Variants in RCAN2 observed in about 807,000 individuals in gnomAD.
RCAN2 encodes calcipressin-2.
RCAN2 carries 9 observed loss-of-function variants against 23.6 expected under a neutral mutation model. The observed-to-expected ratio is 0.38, with a 90% CI of 0.23 to 0.67. The LOEUF (loss-of-function observed/expected upper bound fraction) is 0.67. Among genes scored for constraint, RCAN2 ranks in the 30% least tolerant of loss-of-function variants. RCAN2 has a pLI of 0.51. For synonymous variants in RCAN2, 109 were observed against 115.7 expected (o/e 0.94, Z 0.37); for missense variants, 273 against 302.3 (o/e 0.90, Z 0.72).
chr6:46,460,028 C>G (rs1768163954), intron 1 of RCAN2, among the ~76,000 whole-genome samples: 1 of 151,880 alleles, frequency 6.6e-6, no homozygotes, highest in South Asian at 2.1e-4. Flanking sequence ...CTCAAGTTAA[C>G]TGGTTTGTCT....
chr6:46,315,122 A>C (rs556166453), intron 2 of RCAN2, among the ~76,000 whole-genome samples: 9 of 152,290 alleles, frequency 5.9e-5, no homozygotes, highest in Non-Finnish European at 1.3e-4. Flanking sequence ...ACTGGCCTTG[A>C]ATCTAGAAAT....
intron 1 of RCAN2, among the ~76,000 whole-genome samples, chr6:46,464,699 C>T (rs1291903983): frequency 1.3e-5 from 2 of 152,188 alleles, no homozygotes; most frequent in Non-Finnish European, 2.9e-5. Context: ...GAACCTCATG[C>T]TATTCTTGAT....
At chr6:46,262,924 A>C (rs187035707) in intron 2 of RCAN2, among the ~76,000 whole-genome samples, 61 of 152,242 alleles carry the variant, frequency 4.0e-4, no homozygotes, top group Admixed American at 1.1e-3. Context: ...CATATCTCAA[A>C]TCCAAGAAAT....
At chr6:46,309,204 G>A (rs148516512) in intron 2 of RCAN2, among the ~76,000 whole-genome samples, 1 of 152,174 alleles carries the variant, frequency 6.6e-6, no homozygotes, top group Admixed American at 6.5e-5. Flanking sequence ...AATCCTGAGA[G>A]GTCAGTAATA....
chr6:46,334,646 G>T (rs941651514), intron 2 of RCAN2, among the ~76,000 whole-genome samples: 1 of 152,140 alleles, frequency 6.6e-6, no homozygotes. Flanking sequence ...CACATTCTCC[G>T]CATTGTGTAG....
chr6:46,249,712 A>G (rs1264774913), intron 2 of RCAN2, among the ~76,000 whole-genome samples: 3 of 152,182 alleles, frequency 2.0e-5, no homozygotes, highest in Non-Finnish European at 2.9e-5. Flanking sequence ...AGTCCTGGTC[A>G]ATGAAATACG....
At chr6:46,268,379 T>C (rs925625745) in intron 2 of RCAN2, among the ~76,000 whole-genome samples, 1 of 152,226 alleles carries the variant, frequency 6.6e-6, no homozygotes, top group Non-Finnish European at 1.5e-5. Context: ...TCATTCATCA[T>C]AGAACCCTCT....
intron 2 of RCAN2, among the ~76,000 whole-genome samples, chr6:46,346,236 C>T (rs568282667): frequency 6.6e-6 from 1 of 152,068 alleles, no homozygotes; most frequent in East Asian, 1.9e-4. Flanking sequence ...TAAAGCAGTG[C>T]TCAGAGGGAA....
intron 2 of RCAN2, among the ~76,000 whole-genome samples, chr6:46,387,850 A>C (rs1390527634): frequency 6.6e-6 from 1 of 152,220 alleles, no homozygotes; most frequent in Non-Finnish European, 1.5e-5. Context: ...CTTGGAACCA[A>C]CCCAAATGTC....
At chr6:46,443,005 T>A (rs1208720343) in intron 2 of RCAN2, among the ~76,000 whole-genome samples, 2 of 152,144 alleles carry the variant, frequency 1.3e-5, no homozygotes, top group Non-Finnish European at 2.9e-5. Flanking sequence ...TAATTATGGG[T>A]CTCAGTCACT....
Position 46,280,505 on chromosome 6 carries a change from A to G in RCAN2, c.226-31609T>C, listed in dbSNP as rs535574089. Among the ~76,000 whole-genome samples, 3 of 152,236 alleles carry G rather than the reference A, an allele frequency of 2.0e-5. No individual in the cohort carries two copies. In the South Asian group the frequency reaches 6.2e-4, roughly 32 times the overall value. On this transcript the variant is annotated intron_variant, in intron 2 of 4. Coordinates refer to ENST00000371374, the MANE Select transcript of RCAN2 (RefSeq NM_001251974.2). ...CACACACACACACACACAAAAGCACACACAGCAAGGCAAATTAAACTCCCA... is the reference window on the plus strand; with the variant it reads ...CACACACACACACACACAAAAGCACGCACAGCAAGGCAAATTAAACTCCCA...
chr6:46,317,531 G>A (rs917939999), intron 2 of RCAN2, among the ~76,000 whole-genome samples: 72 of 151,824 alleles, frequency 4.7e-4, no homozygotes, highest in African/African-American at 1.7e-3. Context: ...GCATGATCTC[G>A]GCTCACTGCA....
chr6:46,325,414 G>C (rs750110682), intron 2 of RCAN2: 2 of 1,614,184 alleles, frequency 1.2e-6, no homozygotes, highest in South Asian at 2.2e-5. Flanking sequence ...GATTGGTAAA[G>C]ACCTCGACAT....
intron 2 of RCAN2, among the ~76,000 whole-genome samples, chr6:46,417,125 A>G (rs1304652645): frequency 6.6e-6 from 1 of 152,190 alleles, no homozygotes; most frequent in African/African-American, 2.4e-5. Flanking sequence ...ATAGATGGAG[A>G]ATACATGTGT....
intron 2 of RCAN2, among the ~76,000 whole-genome samples, chr6:46,356,936 G>C (rs1475569565): frequency 1.3e-5 from 2 of 152,204 alleles, no homozygotes; most frequent in Admixed American, 1.3e-4. Flanking sequence ...ATTAAGTAGA[G>C]AGAATATTCT....
At chr6:46,321,892 T>C (rs763199051) in intron 2 of RCAN2, among the ~76,000 whole-genome samples, 2 of 152,222 alleles carry the variant, frequency 1.3e-5, no homozygotes, top group Non-Finnish European at 2.9e-5. Flanking sequence ...TCCAAGTGCT[T>C]AAGCAGAGCT....
chr6:46,289,237 T>A (rs1021903939), intron 2 of RCAN2, among the ~76,000 whole-genome samples: 1 of 151,378 alleles, frequency 6.6e-6, no homozygotes, highest in East Asian at 1.9e-4. Flanking sequence ...AACTTCACTA[T>A]TTTTTCCCCC....
At chr6:46,291,508 C>G (rs1762562028) in intron 2 of RCAN2, among the ~76,000 whole-genome samples, 1 of 151,974 alleles carries the variant, frequency 6.6e-6, no homozygotes, top group Admixed American at 6.6e-5. Flanking sequence ...TTTCCCCCTC[C>G]AGGCACTGCA....
intron 2 of RCAN2, among the ~76,000 whole-genome samples, chr6:46,419,890 GA>G (rs1561898534): frequency 6.6e-6 from 1 of 152,108 alleles, no homozygotes; most frequent in Non-Finnish European, 1.5e-5. Context: ...ATTCAGTATA[GA>G]TTATATTCTA....
Sources: allele counts gnomAD v4.1 joint callset (sites outside exome capture counted in the v4.1 genomes callset), GRCh38; gene constraint gnomAD v4.1.1; transcripts MANE v1.5; gene names NCBI Gene and HGNC (gene_info 2026-07-23, HGNC 2026-07-21).